NHS: variants seen among roughly 807,000 people sequenced by gnomAD.
The protein encoded by NHS is NHS actin remodeling regulator.
In NHS, 5 loss-of-function variants were observed where a neutral mutation model predicts 72.5. That is an observed-to-expected ratio of 0.07 (90% confidence interval 0.04 to 0.14). The LOEUF (loss-of-function observed/expected upper bound fraction) is 0.14, where lower values mean the gene tolerates loss of function less well. Ranked by LOEUF, NHS falls within the 10% of genes least tolerant of loss-of-function variation. The probability of loss-of-function intolerance (pLI) is 1.00; values close to 1 mark genes in which losing one functional copy is unlikely to be tolerated. For missense variants in NHS, 1,072 were observed against 1,355.7 expected (o/e 0.79, Z 3.29); for synonymous variants, 464 against 547.7 (o/e 0.85, Z 2.13).
At chrX:17,429,927 A>G (rs1212981884) in intron 1 of NHS, among the ~76,000 whole-genome samples, 1 of 111,553 alleles carries the variant, frequency 9.0e-6, no homozygotes, top group Non-Finnish European at 1.9e-5. Flanking sequence ...TCCATGCCTG[A>G]CATTGCAGCT....
intron 1 of NHS, among the ~76,000 whole-genome samples, chrX:17,384,169 C>T (rs2064394133): frequency 8.9e-6 from 1 of 112,189 alleles, no homozygotes; most frequent in South Asian, 3.7e-4. Flanking sequence ...GATGGTCCTG[C>T]TTTTCCTTCC....
At chrX:17,632,071 AG>A (rs1459321158) in intron 1 of NHS, among the ~76,000 whole-genome samples, 2 of 112,265 alleles carry the variant, frequency 1.8e-5, no homozygotes, top group African/African-American at 3.2e-5. Context: ...CCTAGCTAAA[AG>A]GGAGACCTGG....
At chrX:17,712,917 A>G (rs899948101) in intron 3 of NHS, among the ~76,000 whole-genome samples, 1 of 111,469 alleles carries the variant, frequency 9.0e-6, no homozygotes, top group Non-Finnish European at 1.9e-5. Flanking sequence ...AAAACAGAGA[A>G]AGCATAGGAT....
intron 1 of NHS, among the ~76,000 whole-genome samples, chrX:17,378,512 AACAC>A (rs1472855529): frequency 2.7e-5 from 3 of 111,756 alleles, no homozygotes; most frequent in Non-Finnish European, 5.6e-5. Context: ...TGGGAGAAAA[AACAC>A]ACTATTATGT....
intron 1 of NHS, among the ~76,000 whole-genome samples, chrX:17,377,607 C>G (rs929896770): frequency 8.8e-5 from 10 of 113,633 alleles, no homozygotes; most frequent in South Asian, 3.5e-4. Context: ...CCCCACAGCC[C>G]AGCTCAGCCT....
chrX:17,592,269 C>A (rs1272531569), intron 1 of NHS, among the ~76,000 whole-genome samples: 1 of 111,898 alleles, frequency 8.9e-6, no homozygotes, highest in Non-Finnish European at 1.9e-5. Flanking sequence ...TGATTGAAAA[C>A]AATGTCTGAC....
At chrX:17,513,181 C>T (rs775685247) in intron 1 of NHS, among the ~76,000 whole-genome samples, 18 of 112,166 alleles carry the variant, frequency 1.6e-4, no homozygotes, top group African/African-American at 5.5e-4. Flanking sequence ...AAAAAATTAA[C>T]GTGGAACCTT....
intron 1 of NHS, among the ~76,000 whole-genome samples, chrX:17,489,942 G>A (rs1208321549): frequency 8.9e-6 from 1 of 112,070 alleles, no homozygotes; most frequent in Non-Finnish European, 1.9e-5. Flanking sequence ...AGAAGTGTCT[G>A]TACATATACT....
At chrX:17,561,601 C>T (rs1234442914) in intron 1 of NHS, among the ~76,000 whole-genome samples, 1 of 104,282 alleles carries the variant, frequency 9.6e-6, no homozygotes, top group African/African-American at 3.5e-5. Flanking sequence ...CACACACACA[C>T]ACACACACAC....
intron 1 of NHS, among the ~76,000 whole-genome samples, chrX:17,497,919 T>C (rs2065020262): frequency 8.9e-6 from 1 of 112,162 alleles, no homozygotes; most frequent in Non-Finnish European, 1.9e-5. Flanking sequence ...AATGTCCTTA[T>C]GGCACATGGG....
In NHS at chrX:17,725,738, T is replaced by A; in HGVS notation, c.1632T>A (p.Asp544Glu). Residue 544 changes from aspartate to glutamate, a missense_variant, in exon 7 of 9, where the codon GAT becomes GAA. Coordinates refer to ENST00000676302, the MANE Select transcript of NHS (RefSeq NM_001291867.2). ...FVGDHERTPN[D>E]FSEAPSSPSA... ...GTGACCATGAAAGAACCCCTAATGATTTCAGTGAGGCTCCAAGCAGCCCGA... is the reference window on the plus strand; with the variant it reads ...GTGACCATGAAAGAACCCCTAATGAATTCAGTGAGGCTCCAAGCAGCCCGA... The A allele has an allele frequency of 8.3e-7, 1 of 1,211,251 alleles. No individual in the cohort carries two copies.
At chrX:17,464,260 C>T (rs1231590101) in intron 1 of NHS, among the ~76,000 whole-genome samples, 1 of 110,991 alleles carries the variant, frequency 9.0e-6, no homozygotes, top group Admixed American at 9.6e-5. Flanking sequence ...TTTTGAGTCC[C>T]ACCAGTTTCC....
chrX:17,538,586 T>C (rs1386061475), intron 1 of NHS, among the ~76,000 whole-genome samples: 1 of 111,579 alleles, frequency 9.0e-6, no homozygotes, highest in Non-Finnish European at 1.9e-5. Context: ...GTCCTGGCAC[T>C]TCTGTGCTCC....
chrX:17,543,782 C>T (rs768589945), intron 1 of NHS, among the ~76,000 whole-genome samples: 8 of 111,610 alleles, frequency 7.2e-5, no homozygotes, highest in African/African-American at 2.0e-4. Flanking sequence ...CTTCAGAGTT[C>T]GGGATTTTGC....
chrX:17,723,770 T>TGTGTGTGTGTGA, intron 5 of NHS, among the ~76,000 whole-genome samples: 1 of 91,319 alleles, frequency 1.1e-5, no homozygotes, highest in Admixed American at 1.1e-4. Context: ...TGTGTGTGTG[T>TGTGTGTGTGTGA]GCGCGCGCGT....
intron 1 of NHS, among the ~76,000 whole-genome samples, chrX:17,417,353 A>C (rs1391895752): frequency 8.9e-6 from 1 of 112,203 alleles, no homozygotes; most frequent in Non-Finnish European, 1.9e-5. Context: ...TAAAATTAAC[A>C]TACAAACTCT....
At chrX:17,529,162 G>C (rs953778473) in intron 1 of NHS, among the ~76,000 whole-genome samples, 2 of 111,027 alleles carry the variant, frequency 1.8e-5, no homozygotes, top group Non-Finnish European at 3.8e-5. Context: ...TGTCAAGAAG[G>C]GTGCTATATA....
In NHS at chrX:17,495,538, A is replaced by G. The variant is rs1243560464; in HGVS notation, c.565+119216A>G. Among the ~76,000 whole-genome samples the G allele has an allele frequency of 2.7e-5, 3 of 112,001 alleles. No homozygotes were observed. The Admixed American group carries it at 2.9e-4, about 11-fold the overall frequency. On this transcript the variant is annotated intron_variant, in intron 1 of 8. Transcript: ENST00000676302. The stretch of plus-strand genomic sequence containing the variant: ...CTCAGAATCCAGTAAGGTAGACACC[A>G]TTATCTCTAGTTTTAAAAATGAGAA...
chrX:17,570,465 C>A lies in NHS; in HGVS notation c.566-117277C>A, dbSNP rs780968219. Among the ~76,000 whole-genome samples the A allele has an allele frequency of 3.6e-5, 4 of 111,819 alleles. No homozygotes were observed. In the South Asian group the frequency reaches 1.5e-3, roughly 42 times the overall value. On this transcript the variant is annotated intron_variant, in intron 1 of 8. Transcript: ENST00000676302. ...GGGAATTCACTCATGATTTGGCTCT[C>A]TGTTTGTCTGTTATTGGTGTATAGG...
Sources: gnomAD v4.1 joint callset for allele counts (sites outside exome capture counted in the v4.1 genomes callset) on GRCh38, gnomAD v4.1.1 for gene constraint, MANE v1.5 for transcripts, NCBI Gene and HGNC (gene_info 2026-07-23, HGNC 2026-07-21) for gene names.